The following TEX19 variants were observed in gnomAD, a reference collection of about 807,000 sequenced individuals.
The protein encoded by TEX19 is testis-expressed protein 19.
For missense variants in TEX19, 184 were observed against 194.4 expected (o/e 0.95, Z 0.32); for synonymous variants, 77 against 73.9 (o/e 1.04, Z -0.21).
At chr17:82,361,730 G>C (rs2052396432) in intron 1 of TEX19, 150 bp from the exon 2 acceptor site, 1 of 1,013,806 alleles carries the variant, frequency 9.9e-7, no homozygotes, top group Non-Finnish European at 1.2e-6. Flanking sequence ...AGGAACTGAA[G>C]GCCTCCCAGC....
intron 1 of TEX19, among the ~76,000 whole-genome samples, chr17:82,359,824 GGTTCCCCCAGTTTCCCTCAA>G (rs2052365625): frequency 1.3e-5 from 1 of 79,886 alleles, no homozygotes; most frequent in Non-Finnish European, 2.4e-5. Context: ...GTTTCCCTCA[GGTTCCCCCAGTTTCCCTCAA>G]GTTCCCCTCA....
chr17:82,362,629 G>C lies in TEX19; in HGVS notation c.479G>C (p.Ser160Thr). ...EELLTCSHWPSFFPS is the reference protein window; with the variant it reads ...EELLTCSHWPTFFPS ...CTTCTTACCTGCTCACACTGGCCAA[G>C]CTTCTTTCCTTCATAGCAGGGGTTT... Residue 160 changes from serine to threonine, a missense_variant, in exon 2 of 2, where the codon AGC (serine) becomes ACC (threonine). Transcript: ENST00000333437. The surrounding 1 kb of genome is among the most constrained non-coding windows in gnomAD (Gnocchi z 5.5). 6.5e-7 allele frequency: 1 copy of C among 1,549,086 alleles called. No homozygotes were observed.
rs1435642392 is a variant in TEX19, at chr17:82,362,966, G to A, written c.*321G>A. 1 of 270,860 alleles carries A rather than the reference G, an allele frequency of 3.7e-6. No individual in the cohort carries two copies. The highest frequency in any genetic ancestry group is 7.4e-6 in the Non-Finnish European group (1 of 135,012). 16.8% of individuals were successfully genotyped at this position (270,860 alleles called of 1,614,324 possible). On this transcript the variant is annotated 3_prime_UTR_variant, in exon 2 of 2. Coordinates refer to ENST00000333437, the MANE Select transcript of TEX19 (RefSeq NM_207459.4). This position sits in a 1 kb window ranked among gnomAD's most constrained non-coding sequence, Gnocchi z 5.5. ...CATCGTTAACAGGACACAGGGCAGA[G>A]CTGGTCCCTGCAGCCTCAGCCCTGC...
intron 1 of TEX19, among the ~76,000 whole-genome samples, chr17:82,360,096 C>T (rs1389523952): frequency 1.2e-5 from 1 of 86,130 alleles, no homozygotes; most frequent in East Asian, 3.9e-4. Context: ...TCAGGTTCCC[C>T]CAGTTTCCCT....
At position 82,362,486 on chromosome 17, in the gene TEX19, T is replaced by C. The variant is rs1313343142; in HGVS notation, c.336T>C (p.Asp112=). 4 of 1,612,786 alleles carry C rather than the reference T, an allele frequency of 2.5e-6. No homozygotes were observed. The African/African-American group carries it at 4.0e-5, about 16-fold the overall frequency. ...CAGCAGCCCCAGAAGGGTTGGAAGA[T>C]GCAGGTCTGGACCCCCACTTTGTCC... The part of the protein sequence containing the change: ...TLAAAPEGLE[D]AGLDPHFVPT... Residue 112 remains aspartate, a synonymous_variant, in exon 2 of 2, where the codon GAT becomes GAC. Coordinates refer to ENST00000333437, the MANE Select transcript of TEX19 (RefSeq NM_207459.4). This position sits in a 1 kb window ranked among gnomAD's most constrained non-coding sequence, Gnocchi z 5.5.
Position 82,363,354 on chromosome 17 carries a change from G to A in TEX19, c.*709G>A, listed in dbSNP as rs2052411256. ...AGCAACTTTAGGGGCTGGGAGATAG[G>A]GCCTGTTGTGGCCTCAGAGGGAAGC... On this transcript the variant is annotated 3_prime_UTR_variant, in exon 2 of 2. Transcript: ENST00000333437. 6.0e-6 allele frequency: 1 copy of A among 166,994 alleles called. No individual in the cohort carries two copies. Among genetic ancestry groups the A allele is most frequent in the Non-Finnish European group, 1.5e-5 (1 of 68,110 alleles). 10.3% of individuals were successfully genotyped at this position (166,994 alleles called of 1,614,324 possible). A position where few individuals can be genotyped will look rare whatever the true frequency, so the allele number is the denominator to read the frequency against.
At position 82,362,011 on chromosome 17, in the gene TEX19, C is replaced by G; in HGVS notation, c.-140C>G. ...CCCCAAATCCCTGGATAGGAAACCCCTTTCTCCTCCTGCTCCTTGTCCCCT... is the reference window on the plus strand; with the variant it reads ...CCCCAAATCCCTGGATAGGAAACCCGTTTCTCCTCCTGCTCCTTGTCCCCT... On this transcript the variant is annotated 5_prime_UTR_variant, in exon 2 of 2. Coordinates refer to ENST00000333437, the MANE Select transcript of TEX19 (RefSeq NM_207459.4). The surrounding 1 kb of genome is among the most constrained non-coding windows in gnomAD (Gnocchi z 5.5). The G allele has an allele frequency of 8.3e-7, 1 of 1,201,930 alleles. No individual in the cohort carries two copies. The highest frequency in any genetic ancestry group is 1.2e-6 in the Non-Finnish European group (1 of 867,930). The allele number at this position is 1,201,930 out of a possible 1,614,324, so 74.5% of individuals were successfully genotyped here.
Position 82,362,173 on chromosome 17 carries a change from G to C in TEX19, c.23G>C (p.Arg8Pro), listed in dbSNP as rs143841873. 3 of 1,611,364 alleles carry C rather than the reference G, an allele frequency of 1.9e-6. No individual in the cohort carries two copies. The highest frequency in any genetic ancestry group is 2.5e-6 in the Non-Finnish European group (3 of 1,179,168). Residue 8 changes from arginine to proline, a missense_variant, in exon 2 of 2, where the codon CGG (arginine) becomes CCG (proline). Transcript: ENST00000333437. This position sits in a 1 kb window ranked among gnomAD's most constrained non-coding sequence, Gnocchi z 5.5. MCPPVSM[R>P]YEEEGMSYLY... ...GCCATGTGCCCTCCGGTCAGCATGC[G>C]GTATGAGGAAGAGGGCATGTCCTAC...
chr17:82,360,304 T>C, intron 1 of TEX19, among the ~76,000 whole-genome samples: 1 of 110,950 alleles, frequency 9.0e-6, no homozygotes. Flanking sequence ...TCCCTCAGGT[T>C]CCCCCAGTTT....
Position 82,362,599 on chromosome 17 carries a change from A to G in TEX19, c.449A>G (p.Glu150Gly). ...DWTQGLPWRF[E>G]ELLTCSHWPS... ...ACCCAGGGTCTTCCCTGGAGATTTG[A>G]GGAGCTTCTTACCTGCTCACACTGG... The change falls in exon 2 of 2, where the codon GAG (glutamate) becomes GGG (glycine). Residue 150 changes from glutamate (E) to glycine (G), a missense_variant. By Grantham distance (98) the Glu-to-Gly change is moderately conservative. Coordinates refer to ENST00000333437, the MANE Select transcript of TEX19 (RefSeq NM_207459.4). The surrounding 1 kb of genome is among the most constrained non-coding windows in gnomAD (Gnocchi z 5.5). 6.3e-7 allele frequency: 1 copy of G among 1,589,570 alleles called. No homozygotes were observed. Among genetic ancestry groups the G allele is most frequent in the Non-Finnish European group, 8.5e-7 (1 of 1,172,044 alleles).
At chr17:82,360,474 G>A (rs1485579188) in intron 1 of TEX19, among the ~76,000 whole-genome samples, 1 of 75,832 alleles carries the variant, frequency 1.3e-5, no homozygotes, top group Non-Finnish European at 2.5e-5. Context: ...TTTCCCTCAG[G>A]TTCCCCCAGT....
rs2052398961 is a variant in TEX19, at chr17:82,362,063, G to GCCTTGTCCCCTTCATCCCT, written c.-88_-87insCCTTGTCCCCTTCATCCCT. ...CATCCCTGCCGCCCAGCATCCTACT[G>GCCTTGTCCCCTTCATCCCT]GCCTCAGCACCTGTGGCCAGACCGT... On this transcript the variant is annotated 5_prime_UTR_variant, in exon 2 of 2. Transcript: ENST00000333437. This position sits in a 1 kb window ranked among gnomAD's most constrained non-coding sequence, Gnocchi z 5.5. The GCCTTGTCCCCTTCATCCCT allele has an allele frequency of 6.7e-7, 1 of 1,497,396 alleles. No homozygotes were observed. The highest frequency in any genetic ancestry group is 1.4e-5 in the African/African-American group (1 of 71,760). The allele number at this position is 1,497,396 out of a possible 1,614,324, so 92.8% of individuals were successfully genotyped here.
chr17:82,360,443 TTTCCCTCAGG>T (rs2052376562), intron 1 of TEX19, among the ~76,000 whole-genome samples: 2 of 98,980 alleles, frequency 2.0e-5, no homozygotes, highest in African/African-American at 4.2e-5. Flanking sequence ...GTTCCCCCAG[TTTCCCTCAGG>T]TTCCCTCAAG....
At chr17:82,361,019 T>G (rs1411826148) in intron 1 of TEX19, among the ~76,000 whole-genome samples, 16 of 141,780 alleles carry the variant, frequency 1.1e-4, no homozygotes, top group African/African-American at 2.4e-4. Context: ...GTTCCCTCAG[T>G]TTCCCTCAGG....
Position 82,362,748 on chromosome 17 carries a change from G to A in TEX19, c.*103G>A, listed in dbSNP as rs1162458144. 2.1e-6 allele frequency: 3 copies of A among 1,399,004 alleles called. No individual in the cohort carries two copies. In the East Asian group the frequency reaches 7.2e-5, roughly 34 times the overall value. 86.7% of individuals were successfully genotyped at this position (1,399,004 alleles called of 1,614,324 possible). On this transcript the variant is annotated 3_prime_UTR_variant, in exon 2 of 2. Coordinates refer to ENST00000333437, the MANE Select transcript of TEX19 (RefSeq NM_207459.4). This position sits in a 1 kb window ranked among gnomAD's most constrained non-coding sequence, Gnocchi z 5.5. ...TGCCGAGGCTGAGGCCTAGTTACTG[G>A]CCCTGCAGCTTGTCTCCATGGTGGG...
chr17:82,363,050 G>C lies in TEX19; in HGVS notation c.*405G>C, dbSNP rs1432223198. ...TGGACCAACAGGGAGAGCAAGAAGG[G>C]AGACTCAGCCTGTAAGCCACAGTCC... On this transcript the variant is annotated 3_prime_UTR_variant, in exon 2 of 2. Coordinates refer to ENST00000333437, the MANE Select transcript of TEX19 (RefSeq NM_207459.4). 5.7e-6 allele frequency: 1 copy of C among 175,326 alleles called. No homozygotes were observed. The highest frequency in any genetic ancestry group is 6.1e-5 in the Admixed American group (1 of 16,300). 10.9% of individuals were successfully genotyped at this position (175,326 alleles called of 1,614,324 possible).
Position 82,362,114 on chromosome 17 carries a change from T to C in TEX19, c.-37T>C. On this transcript the variant is annotated 5_prime_UTR_variant, in exon 2 of 2. Coordinates refer to ENST00000333437, the MANE Select transcript of TEX19 (RefSeq NM_207459.4). The surrounding 1 kb of genome is among the most constrained non-coding windows in gnomAD (Gnocchi z 5.5). ...CCAAGATCCTCTGAAGGCCCAGCTC[T>C]TGCTGTCCACCCCGGCAGTAGGCAG... 6.4e-7 allele frequency: 1 copy of C among 1,570,456 alleles called. No individual in the cohort carries two copies. Among genetic ancestry groups the C allele is most frequent in the Non-Finnish European group, 8.6e-7 (1 of 1,160,864 alleles).
At chr17:82,359,912 CCCAGTT>C (rs2052367565) in intron 1 of TEX19, among the ~76,000 whole-genome samples, 1 of 128,898 alleles carries the variant, frequency 7.8e-6, no homozygotes. Context: ...CTCAGGTTCC[CCCAGTT>C]TCCCTCAGTT....
In TEX19 at chr17:82,362,011, C is replaced by T; in HGVS notation, c.-140C>T. The T allele has an allele frequency of 1.7e-6, 2 of 1,201,930 alleles. No individual in the cohort carries two copies. The highest frequency in any genetic ancestry group is 3.0e-5 in the South Asian group (2 of 66,724). The allele number at this position is 1,201,930 out of a possible 1,614,324, so 74.5% of individuals were successfully genotyped here. On this transcript the variant is annotated 5_prime_UTR_variant, in exon 2 of 2. Transcript: ENST00000333437. The surrounding 1 kb of genome is among the most constrained non-coding windows in gnomAD (Gnocchi z 5.5). The stretch of plus-strand genomic sequence containing the variant: ...CCCCAAATCCCTGGATAGGAAACCC[C>T]TTTCTCCTCCTGCTCCTTGTCCCCT...
Sources: gnomAD v4.1 joint callset for allele counts (sites outside exome capture counted in the v4.1 genomes callset) on GRCh38, gnomAD v4.1.1 for gene constraint, Gnocchi (gnomAD v3.1) non-coding constraint, MANE v1.5 for transcripts, NCBI Gene and HGNC (gene_info 2026-07-23, HGNC 2026-07-21) for gene names.